RAP1GAP2: variants seen among roughly 807,000 people sequenced by gnomAD.
The protein encoded by RAP1GAP2 is rap1 GTPase-activating protein 2.
Under a neutral mutation model 95.0 loss-of-function variants are expected in RAP1GAP2, and 27 were observed. The ratio of observed to expected loss-of-function variants is 0.28; its 90% CI spans 0.21 to 0.39. The LOEUF (loss-of-function observed/expected upper bound fraction) is 0.39, where lower values mean the gene tolerates loss of function less well. Ranked by LOEUF, RAP1GAP2 falls within the 10% of genes least tolerant of loss-of-function variation. The probability of loss-of-function intolerance (pLI) is 1.00; values close to 1 mark genes in which losing one functional copy is unlikely to be tolerated. For synonymous variants in RAP1GAP2, 373 were observed against 380.9 expected (o/e 0.98, Z 0.24); for missense variants, 771 against 970.0 (o/e 0.79, Z 2.72).
chr17:2,807,940 C>T (rs2069591168), intron 2 of RAP1GAP2, among the ~76,000 whole-genome samples: 1 of 152,178 alleles, frequency 6.6e-6, no homozygotes, highest in Non-Finnish European at 1.5e-5. Context: ...CCCGGAGACC[C>T]TCCGCTGGCC....
In RAP1GAP2 at chr17:2,825,628, T is replaced by C. The variant is rs560376186; in HGVS notation, c.80+25078T>C. ...TGTTTTCCCATCCGGAAAGTGAAGA[T>C]AAGGAGCGTCCCTGTCTCACAGGGA... On this transcript the variant is annotated intron_variant, in intron 2 of 24. Coordinates refer to ENST00000254695, the MANE Select transcript of RAP1GAP2 (RefSeq NM_015085.5). The surrounding 1 kb of genome is among the most constrained non-coding windows in gnomAD (Gnocchi z 4.1). 3.6e-4 allele frequency among the ~76,000 whole-genome samples: 54 copies of C among 152,006 alleles called. No individual in the cohort carries two copies. The highest frequency in any genetic ancestry group is 6.8e-4 in the Non-Finnish European group (46 of 68,018).
At chr17:2,977,069 G>A (rs1308777162) in intron 8 of RAP1GAP2, among the ~76,000 whole-genome samples, 2 of 150,634 alleles carry the variant, frequency 1.3e-5, no homozygotes, top group Admixed American at 6.6e-5. Context: ...CCTGGGAGGC[G>A]GAGGTTGCAG....
chr17:2,977,327 C>A (rs1041946311), intron 8 of RAP1GAP2, among the ~76,000 whole-genome samples: 2 of 152,082 alleles, frequency 1.3e-5, no homozygotes, highest in Non-Finnish European at 2.9e-5. Flanking sequence ...AAACATTCAC[C>A]ACTAAAGAAT....
intron 2 of RAP1GAP2, among the ~76,000 whole-genome samples, chr17:2,894,279 AC>A (rs1438134261): frequency 6.6e-6 from 1 of 152,032 alleles, no homozygotes; most frequent in African/African-American, 2.4e-5. Context: ...AAAATACAAA[AC>A]TTAGCCAGGC....
intron 2 of RAP1GAP2, among the ~76,000 whole-genome samples, chr17:2,808,328 C>G (rs995902403): frequency 6.6e-6 from 1 of 152,118 alleles, no homozygotes; most frequent in African/African-American, 2.4e-5. Context: ...CCTGTGAGCG[C>G]TGGGTGGATG....
intron 2 of RAP1GAP2, among the ~76,000 whole-genome samples, chr17:2,872,564 C>T (rs566443601): frequency 7.2e-5 from 11 of 152,124 alleles, no homozygotes; most frequent in South Asian, 6.3e-4. Context: ...CAGCCCTTCC[C>T]GGCAGTTTCT....
At position 3,018,087 on chromosome 17, in the gene RAP1GAP2, C is replaced by G. The variant is rs1234729430; in HGVS notation, c.1521C>G (p.Ser507=). The change falls in exon 18 of 25, where the codon TCC becomes TCG. Residue 507 remains serine (S), a synonymous_variant. Transcript: ENST00000254695. The part of the protein sequence containing the change: ...FKRAIRVRSH[S]METMVGGQKK... ...GGGCCATCCGCGTACGCAGCCACTC[C>G]ATGGAGACCATGGTGGGCGGCCAGA... is the stretch of plus-strand genomic sequence containing the variant. 1 of 1,591,838 alleles carries G rather than the reference C, an allele frequency of 6.3e-7. No individual in the cohort carries two copies. The highest frequency in any genetic ancestry group is 1.8e-5 in the Admixed American group (1 of 56,882).
In RAP1GAP2 at chr17:2,992,772, C is replaced by T. The variant is rs116931286; in HGVS notation, c.914+1375C>T. ...TCCTTCTTTTTCCTTTCCTCTCTTC[C>T]TCCATCTTCTCCCTCCCTCAAGGTC... On this transcript the variant is annotated intron_variant, in intron 12 of 24. Coordinates refer to ENST00000254695, the MANE Select transcript of RAP1GAP2 (RefSeq NM_015085.5). 2.9e-3 allele frequency among the ~76,000 whole-genome samples: 448 copies of T among 152,240 alleles called. 4 individuals are homozygous for T. Among genetic ancestry groups the T allele is most frequent in the Non-Finnish European group, 4.9e-3 (335 of 68,012 alleles).
chr17:2,959,266 C>G (rs1597722624), intron 4 of RAP1GAP2, among the ~76,000 whole-genome samples: 1 of 152,318 alleles, frequency 6.6e-6, no homozygotes, highest in East Asian at 1.9e-4. Flanking sequence ...GTTAACCAGC[C>G]TCAGAGTGTT....
At chr17:2,773,515 T>C (rs543117804), upstream of RAP1GAP2, among the ~76,000 whole-genome samples, 47 of 152,070 alleles carry the variant, frequency 3.1e-4, no homozygotes, top group African/African-American at 1.1e-3. Flanking sequence ...CTGAGTTCTA[T>C]TCAGTGTGTT....
intron 14 of RAP1GAP2, among the ~76,000 whole-genome samples, chr17:2,999,516 C>A (rs553239987): frequency 1.3e-5 from 2 of 152,300 alleles, no homozygotes; most frequent in South Asian, 4.1e-4. Context: ...AATGGGTAAC[C>A]ATGAGGCCTG....
chr17:2,963,580 A>G lies in RAP1GAP2; in HGVS notation c.279+118A>G. 7.4e-7 allele frequency: 1 copy of G among 1,342,944 alleles called. No individual in the cohort carries two copies. Among genetic ancestry groups the G allele is most frequent in the Admixed American group, 1.8e-5 (1 of 56,022 alleles). 83.2% of individuals were successfully genotyped at this position (1,342,944 alleles called of 1,614,324 possible). On this transcript the variant is annotated intron_variant, in intron 6 of 24. Coordinates refer to ENST00000254695, the MANE Select transcript of RAP1GAP2 (RefSeq NM_015085.5). The surrounding 1 kb of genome is among the most constrained non-coding windows in gnomAD (Gnocchi z 4.8). ...CAGGGGAGAGAACCTTGGGCCTGGG[A>G]CCTCTCTTCCTGTCTTTGCCTTTGT...
At position 3,020,592 on chromosome 17, in the gene RAP1GAP2, G is replaced by A. The variant is rs772603181; in HGVS notation, c.1748G>A (p.Arg583Gln). ...GAAGGCCAGGGCGACAGCCGGGCAC[G>A]ATGGTAACTGTTGGGAAACCCCTAC... is the stretch of plus-strand genomic sequence containing the variant. ...GSEGQGDSRA[R>Q]CDSTSSTPKT... The change falls in exon 19 of 25, where the codon CGA (arginine) becomes CAA (glutamine). Residue 583 changes from arginine to glutamine, a missense_variant. Coordinates refer to ENST00000254695, the MANE Select transcript of RAP1GAP2 (RefSeq NM_015085.5). The A allele has an allele frequency of 2.9e-5, 47 of 1,612,962 alleles. No individual in the cohort carries two copies. The highest frequency in any genetic ancestry group is 1.6e-4 in the Middle Eastern group (1 of 6,080).
chr17:2,818,925 C>A (rs1297832885), intron 2 of RAP1GAP2, among the ~76,000 whole-genome samples: 1 of 152,016 alleles, frequency 6.6e-6, no homozygotes, highest in African/African-American at 2.4e-5. Context: ...TTATACATGT[C>A]TAGTGCTTAG....
chr17:3,005,570 G>A lies in RAP1GAP2; in HGVS notation c.1272+130G>A. ...GAGCTCCTTTTGCAGGTTTTGGGGGGAACCTCCTTTCTTGGGGTCTCTCCC... is the reference window on the plus strand; with the variant it reads ...GAGCTCCTTTTGCAGGTTTTGGGGGAAACCTCCTTTCTTGGGGTCTCTCCC... On this transcript the variant is annotated intron_variant, in intron 15 of 24. Coordinates refer to ENST00000254695, the MANE Select transcript of RAP1GAP2 (RefSeq NM_015085.5). The surrounding 1 kb of genome is among the most constrained non-coding windows in gnomAD (Gnocchi z 5.2). 9.3e-7 allele frequency: 1 copy of A among 1,069,984 alleles called. No individual in the cohort carries two copies. Among genetic ancestry groups the A allele is most frequent in the Non-Finnish European group, 1.4e-6 (1 of 693,680 alleles). The allele number at this position is 1,069,984 out of a possible 1,614,324, so 66.3% of individuals were successfully genotyped here.
chr17:2,988,746 G>A (rs1427012421), intron 11 of RAP1GAP2, among the ~76,000 whole-genome samples: 3 of 152,308 alleles, frequency 2.0e-5, no homozygotes, highest in African/African-American at 7.2e-5. Context: ...TGAGTTGTAT[G>A]GTAATTATGT....
At chr17:2,955,844 C>T (rs376047933) in intron 3 of RAP1GAP2, among the ~76,000 whole-genome samples, 4 of 152,098 alleles carry the variant, frequency 2.6e-5, no homozygotes, top group African/African-American at 9.7e-5. Context: ...GTATTTTATT[C>T]TGTGAGTGTA....
At chr17:2,791,019 A>G (rs2068910494) in intron 1 of RAP1GAP2, among the ~76,000 whole-genome samples, 1 of 152,338 alleles carries the variant, frequency 6.6e-6, no homozygotes, top group African/African-American at 2.4e-5. Context: ...ATCCAGGCCA[A>G]CATGGCAAAA....
At chr17:2,907,179 C>T (rs965163932) in intron 3 of RAP1GAP2, among the ~76,000 whole-genome samples, 4 of 152,174 alleles carry the variant, frequency 2.6e-5, no homozygotes, top group Non-Finnish European at 4.4e-5. Flanking sequence ...AACCAATTAC[C>T]GGCACCAGAA....
Sources: gnomAD v4.1 joint callset for allele counts (sites outside exome capture counted in the v4.1 genomes callset) on GRCh38, gnomAD v4.1.1 for gene constraint, Gnocchi (gnomAD v3.1) non-coding constraint, MANE v1.5 for transcripts, NCBI Gene and HGNC (gene_info 2026-07-23, HGNC 2026-07-21) for gene names.